VPS72: variants seen among roughly 807,000 people sequenced by gnomAD.
VPS72 encodes vacuolar protein sorting-associated protein 72 homolog.
A neutral mutation model predicts 38.9 loss-of-function variants in VPS72; 27 were observed. That is an observed-to-expected ratio of 0.69 (90% confidence interval 0.51 to 0.96). The LOEUF (loss-of-function observed/expected upper bound fraction) is 0.96. Ranked by LOEUF, VPS72 falls within the 40% of genes least tolerant of loss-of-function variation. The pLI, the probability that VPS72 is intolerant of heterozygous loss-of-function variation, is 0.00. For synonymous variants in VPS72, 173 were observed against 186.3 expected (o/e 0.93, Z 0.58); for missense variants, 360 against 479.5 (o/e 0.75, Z 2.33).
intron 4 of VPS72, 31 bp from the exon 5 acceptor site, chr1:151,178,176 G>A (rs1684160821): frequency 1.2e-6 from 2 of 1,608,740 alleles, no homozygotes; most frequent in African/African-American, 1.3e-5. Flanking sequence ...ATGAGGGGAT[G>A]ATCAGAATGT....
At chr1:151,178,562 G>C (rs921920567) in intron 4 of VPS72, among the ~76,000 whole-genome samples, 2 of 152,116 alleles carry the variant, frequency 1.3e-5, no homozygotes, top group African/African-American at 4.8e-5. Flanking sequence ...CAGGGAGGTG[G>C]AGGTTGCAGT....
In VPS72 at chr1:151,184,352, G is replaced by A; in HGVS notation, c.527C>T (p.Ala176Val). The A allele has an allele frequency of 6.2e-7, 1 of 1,613,978 alleles. No individual in the cohort carries two copies. Among genetic ancestry groups the A allele is most frequent in the Non-Finnish European group, 8.5e-7 (1 of 1,180,002 alleles). ...PLTQEELLRE[A>V]KITEELNLRS... ...TAAATTAAGCTCTTCTGTGATCTTG[G>A]CCTCCCGGAGCAGTTCCTCCTGGGT... is the stretch of plus-strand genomic sequence containing the variant. The change falls in exon 4 of 6, where the codon GCC (alanine) becomes GTC (valine). Residue 176 changes from alanine to valine, a missense_variant. Physicochemically the swap from Ala to Val is moderately conservative, Grantham distance 64 (BLOSUM62 0). Coordinates refer to ENST00000368892, the MANE Select transcript of VPS72 (RefSeq NM_005997.3).
intron 1 of VPS72, 75 bp from the exon 2 acceptor site, chr1:151,186,025 G>A (rs587713344): frequency 1.9e-4 from 289 of 1,546,584 alleles, no homozygotes; most frequent in Non-Finnish European, 2.3e-4. Context: ...AGAATCTCTC[G>A]ACTTTCTTGA....
Position 151,190,071 on chromosome 1 carries a change from A to G in VPS72, c.51T>C (p.Leu17=). 2 of 1,614,048 alleles carry G rather than the reference A, an allele frequency of 1.2e-6. No individual in the cohort carries two copies. The highest frequency in any genetic ancestry group is 8.5e-7 in the Non-Finnish European group (1 of 1,180,002). Residue 17 remains leucine, a synonymous_variant, in exon 1 of 6, where the codon CTT becomes CTC. Coordinates refer to ENST00000368892, the MANE Select transcript of VPS72 (RefSeq NM_005997.3). ...CCTCCTCTGCCTCCAAAAGCCCAGA[A>G]AGCCGGTTCCCAGCGGTCTTCCGGG... is the stretch of plus-strand genomic sequence containing the variant. The part of the protein sequence containing the change: ...RAPRKTAGNR[L]SGLLEAEEED...
chr1:151,182,012 C>T (rs1684252072), intron 4 of VPS72, among the ~76,000 whole-genome samples: 1 of 152,146 alleles, frequency 6.6e-6, no homozygotes, highest in Admixed American at 6.6e-5. Flanking sequence ...AGCCACTGCA[C>T]TCAGCTAAGC....
At chr1:151,184,590 CTTTT>C in intron 3 of VPS72, 97 bp from the exon 4 acceptor site, 2 of 1,018,984 alleles carry the variant, frequency 2.0e-6, no homozygotes, top group Non-Finnish European at 2.6e-6. Context: ...ATTTTTTTTT[CTTTT>C]TTTTTTTTTG....
chr1:151,178,558 G>A (rs1175753074), intron 4 of VPS72, among the ~76,000 whole-genome samples: 1 of 152,120 alleles, frequency 6.6e-6, no homozygotes, highest in East Asian at 1.9e-4. Flanking sequence ...GAGCCAGGGA[G>A]GTGGAGGTTG....
At chr1:151,187,410 C>T (rs985718314) in intron 1 of VPS72, among the ~76,000 whole-genome samples, 2 of 152,208 alleles carry the variant, frequency 1.3e-5, no homozygotes, top group Non-Finnish European at 2.9e-5. Context: ...TCATTTCCTC[C>T]TAACTGATGT....
At chr1:151,183,373 G>C (rs1684279529) in intron 4 of VPS72, among the ~76,000 whole-genome samples, 1 of 115,416 alleles carries the variant, frequency 8.7e-6, no homozygotes, top group African/African-American at 3.4e-5. Flanking sequence ...AGTGAGCCGA[G>C]ATCATACCAC....
intron 1 of VPS72, among the ~76,000 whole-genome samples, chr1:151,187,578 T>C (rs990150370): frequency 5.3e-5 from 8 of 152,234 alleles, no homozygotes; most frequent in Non-Finnish European, 1.0e-4. Context: ...TCGGCTTTTA[T>C]TGAGAGTCAT....
At chr1:151,177,326 A>G (rs1017222114) in intron 5 of VPS72, among the ~76,000 whole-genome samples, 6 of 151,252 alleles carry the variant, frequency 4.0e-5, no homozygotes, top group Admixed American at 2.6e-4. Context: ...CGGAGGTTGC[A>G]TGGAACCAAG....
chr1:151,177,112 T>C lies in VPS72; in HGVS notation c.708-81A>G, dbSNP rs754295780. On this transcript the variant is annotated intron_variant, in intron 5 of 5. Transcript: ENST00000368892. ...ACAGAAAGAAGGAAATCAGGCTGGG[T>C]GCAGTGGCTCACACCTGTAATTCCA... 2.8e-6 allele frequency: 4 copies of C among 1,428,732 alleles called. No individual in the cohort carries two copies. The South Asian group carries it at 4.6e-5, about 16-fold the overall frequency. 88.5% of individuals were successfully genotyped at this position (1,428,732 alleles called of 1,614,324 possible). A position where few individuals can be genotyped will look rare whatever the true frequency, so the allele number is the denominator to read the frequency against.
At chr1:151,180,900 C>T (rs1402333283) in intron 4 of VPS72, among the ~76,000 whole-genome samples, 1 of 152,216 alleles carries the variant, frequency 6.6e-6, no homozygotes, top group Non-Finnish European at 1.5e-5. Flanking sequence ...CTGCAGACCT[C>T]TGGTGGAGGT....
Position 151,184,478 on chromosome 1 carries a change from C to A in VPS72, c.401G>T (p.Arg134Leu), listed in dbSNP as rs1425163719. The A allele has an allele frequency of 6.2e-7, 1 of 1,612,358 alleles. No individual in the cohort carries two copies. The highest frequency in any genetic ancestry group is 1.1e-5 in the South Asian group (1 of 90,970). ...DDGSDSRKSM[R>L]QSTAEHTRQT... ...TCGTGTATGCTCAGCTGTAGACTGA[C>A]GCATAGACTTCCGACCTGGAAGAGA... Residue 134 changes from arginine to leucine, a missense_variant, in exon 4 of 6, where the codon CGT becomes CTT. Transcript: ENST00000368892.
At chr1:151,180,679 G>A (rs587604974) in intron 4 of VPS72, among the ~76,000 whole-genome samples, 44 of 152,126 alleles carry the variant, frequency 2.9e-4, no homozygotes, top group Admixed American at 5.9e-4. Flanking sequence ...CTCGTGATCC[G>A]CCCACCTCAG....
In VPS72 at chr1:151,181,291, G is replaced by A. The variant is rs587694512; in HGVS notation, c.562+3026C>T. On this transcript the variant is annotated intron_variant, in intron 4 of 5. Transcript: ENST00000368892. ...CTCACTCTGTTGCCCAGGCTGGAGT[G>A]TAGCGACACGATCTCCACTCACTGC... Among the ~76,000 whole-genome samples the A allele has an allele frequency of 6.8e-5, 10 of 147,468 alleles. No homozygotes were observed. In the South Asian group the frequency reaches 2.2e-3, roughly 32 times the overall value.
chr1:151,182,043 T>C (rs1684253105), intron 4 of VPS72, among the ~76,000 whole-genome samples: 2 of 152,192 alleles, frequency 1.3e-5, no homozygotes, highest in South Asian at 4.1e-4. Flanking sequence ...TTCTTTTTTT[T>C]TGAGACAGAG....
intron 1 of VPS72, among the ~76,000 whole-genome samples, chr1:151,187,042 A>G (rs1005647753): frequency 8.5e-5 from 13 of 152,144 alleles, no homozygotes; most frequent in African/African-American, 2.4e-4. Context: ...TACTGCTACT[A>G]TGGATAATGG....
chr1:151,190,080 C>T lies in VPS72; in HGVS notation c.42G>A (p.Gly14=), dbSNP rs1684432468. 2 of 1,614,030 alleles carry T rather than the reference C, an allele frequency of 1.2e-6. No individual in the cohort carries two copies. Among genetic ancestry groups the T allele is most frequent in the Admixed American group, 1.7e-5 (1 of 59,994 alleles). Residue 14 remains glycine (G), a synonymous_variant, in exon 1 of 6, where the codon GGG becomes GGA. Coordinates refer to ENST00000368892, the MANE Select transcript of VPS72 (RefSeq NM_005997.3). ...AGGRAPRKTA[G]NRLSGLLEAE... ...CCTCCAAAAGCCCAGAAAGCCGGTT[C>T]CCAGCGGTCTTCCGGGGTGCCCGGC...
Sources: allele counts gnomAD v4.1 joint callset (sites outside exome capture counted in the v4.1 genomes callset), GRCh38; gene constraint gnomAD v4.1.1; transcripts MANE v1.5; gene names NCBI Gene and HGNC (gene_info 2026-07-23, HGNC 2026-07-21).